PRKN: variants seen among roughly 807,000 people sequenced by gnomAD.
PRKN encodes the protein E3 ubiquitin-protein ligase parkin.
A neutral mutation model predicts 59.5 loss-of-function variants in PRKN; 56 were observed. The ratio of observed to expected loss-of-function variants is 0.94; its 90% CI spans 0.76 to 1.18. PRKN has a LOEUF of 1.18. Among genes scored for constraint, PRKN ranks in the 50% most tolerant of loss-of-function variants. The pLI is 0.00. For missense variants in PRKN, 657 were observed against 596.4 expected (o/e 1.10, Z -1.06); for synonymous variants, 250 against 222.1 (o/e 1.13, Z -1.12).
intron 8 of PRKN, among the ~76,000 whole-genome samples, chr6:161,568,763 A>G (rs994014347): frequency 3.3e-5 from 5 of 152,132 alleles, no homozygotes; most frequent in African/African-American, 1.2e-4. Context: ...TCCATACTAT[A>G]TATGTGTGTA....
intron 4 of PRKN, among the ~76,000 whole-genome samples, chr6:162,171,210 A>C (rs1037381044): frequency 2.0e-5 from 3 of 152,138 alleles, no homozygotes; most frequent in African/African-American, 7.2e-5. Flanking sequence ...GTGCACACAG[A>C]AAAAAACGTA....
chr6:161,761,366 A>G (rs1204398194), intron 7 of PRKN, among the ~76,000 whole-genome samples: 6 of 55,324 alleles, frequency 1.1e-4, no homozygotes, highest in Non-Finnish European at 2.4e-4. Context: ...AGACAAATGC[A>G]TGGATCAATA....
chr6:161,788,314 G>A (rs1790504617), intron 6 of PRKN, among the ~76,000 whole-genome samples: 1 of 152,180 alleles, frequency 6.6e-6, no homozygotes, highest in African/African-American at 2.4e-5. Flanking sequence ...AATCAACCCT[G>A]TGCAGTGACA....
intron 7 of PRKN, among the ~76,000 whole-genome samples, chr6:161,777,228 T>C (rs1486025847): frequency 6.6e-6 from 1 of 152,190 alleles, no homozygotes; most frequent in East Asian, 1.9e-4. Context: ...TAAGCGCTCA[T>C]TAATCATTAC....
rs1263106013 is a variant in PRKN, at chr6:161,466,372, T to TA, written c.1084-79496dup. On this transcript the variant is annotated intron_variant, in intron 9 of 11. Transcript: ENST00000366898. This position sits in a 1 kb window ranked among gnomAD's most constrained non-coding sequence, Gnocchi z 5.0. Reference sequence around the variant, plus strand: ...TTTTGATCTCAGCTCTCTGATGGGTTAAAAAATCTCTGAAACTATGTAAGC... The same window carrying TA: ...TTTTGATCTCAGCTCTCTGATGGGTTAAAAAAATCTCTGAAACTATGTAAGC... Among the ~76,000 whole-genome samples the TA allele has an allele frequency of 6.6e-6, 1 of 152,220 alleles. No individual in the cohort carries two copies. Among genetic ancestry groups the TA allele is most frequent in the African/African-American group, 2.4e-5 (1 of 41,452 alleles).
At chr6:161,779,435 C>CTTTCCTTTTTTTTTT (rs1234367519) in intron 7 of PRKN, among the ~76,000 whole-genome samples, 3 of 40,426 alleles carry the variant, frequency 7.4e-5, no homozygotes, top group Non-Finnish European at 1.5e-4. Flanking sequence ...TTTTTCTTTT[C>CTTTCCTTTTTTTTTT]TTTTCTTTTT....
chr6:162,028,240 C>T (rs996682294), intron 5 of PRKN, among the ~76,000 whole-genome samples: 1 of 152,190 alleles, frequency 6.6e-6, no homozygotes, highest in East Asian at 1.9e-4. Flanking sequence ...GAAGCTAGAA[C>T]AGCTGCCATT....
intron 3 of PRKN, among the ~76,000 whole-genome samples, chr6:162,241,863 G>A (rs1056235855): frequency 1.3e-5 from 2 of 151,974 alleles, no homozygotes; most frequent in African/African-American, 4.8e-5. Flanking sequence ...CTTTGATGAA[G>A]TCACTTTAGT....
At chr6:162,304,518 TCTA>T (rs1447637981) in intron 2 of PRKN, among the ~76,000 whole-genome samples, 2 of 143,574 alleles carry the variant, frequency 1.4e-5, no homozygotes, top group African/African-American at 5.2e-5. Flanking sequence ...TATCTATCTA[TCTA>T]TCTATCTATC....
intron 7 of PRKN, among the ~76,000 whole-genome samples, chr6:161,663,448 G>A (rs917046545): frequency 2.0e-5 from 3 of 152,122 alleles, no homozygotes; most frequent in African/African-American, 4.8e-5. Context: ...GTAATACAGA[G>A]TACAGGCCAT....
chr6:162,171,605 T>C (rs1783279601), intron 4 of PRKN, among the ~76,000 whole-genome samples: 1 of 152,104 alleles, frequency 6.6e-6, no homozygotes, highest in Admixed American at 6.5e-5. Context: ...GTCTTTTAGT[T>C]TCTTTCGTAG....
At chr6:162,467,190 C>T (rs146100154) in intron 1 of PRKN, among the ~76,000 whole-genome samples, 13 of 152,242 alleles carry the variant, frequency 8.5e-5, no homozygotes, top group Non-Finnish European at 1.2e-4. Context: ...TCCCTTCTTC[C>T]TTTTTCTCCA....
intron 2 of PRKN, among the ~76,000 whole-genome samples, chr6:162,426,173 T>C (rs1433871459): frequency 2.6e-5 from 4 of 152,222 alleles, no homozygotes; most frequent in Non-Finnish European, 4.4e-5. Flanking sequence ...CCTTGTCAGA[T>C]ACCGCAAATT....
At position 161,400,422 on chromosome 6, in the gene PRKN, C is replaced by T. The variant is rs1394972006; in HGVS notation, c.1084-13545G>A. ...TCCCAGGTTCAAGCAATTCTCCTGC[C>T]TCAGCCTCCCAAGTAGCTGGAATTA... On this transcript the variant is annotated intron_variant, in intron 9 of 11. Transcript: ENST00000366898. The surrounding 1 kb of genome is among the most constrained non-coding windows in gnomAD (Gnocchi z 4.2). Among the ~76,000 whole-genome samples, 1 of 151,964 alleles carries T rather than the reference C, an allele frequency of 6.6e-6. No homozygotes were observed. Among genetic ancestry groups the T allele is most frequent in the Non-Finnish European group, 1.5e-5 (1 of 67,998 alleles).
At chr6:161,760,509 C>T (rs1789150110) in intron 7 of PRKN, among the ~76,000 whole-genome samples, 1 of 151,888 alleles carries the variant, frequency 6.6e-6, no homozygotes, top group South Asian at 2.1e-4. Flanking sequence ...TGGGGAGGAG[C>T]CTGGCCCCTC....
At chr6:161,811,797 C>T (rs1791573374) in intron 6 of PRKN, among the ~76,000 whole-genome samples, 1 of 151,932 alleles carries the variant, frequency 6.6e-6, no homozygotes, top group Admixed American at 6.6e-5. Context: ...GTGGCATGCA[C>T]CTGTAGTCCC....
At chr6:162,216,288 T>C (rs536786711) in intron 3 of PRKN, among the ~76,000 whole-genome samples, 1 of 151,524 alleles carries the variant, frequency 6.6e-6, no homozygotes, top group South Asian at 2.1e-4. Flanking sequence ...CCCAGCACTT[T>C]GGGAGGCCGA....
At chr6:162,060,790 A>G (rs1284113445) in intron 4 of PRKN, among the ~76,000 whole-genome samples, 1 of 152,224 alleles carries the variant, frequency 6.6e-6, no homozygotes, top group Non-Finnish European at 1.5e-5. Context: ...TTAATAGAAA[A>G]CCATGGCATT....
chr6:161,987,863 C>T (rs749179578), intron 5 of PRKN, among the ~76,000 whole-genome samples: 37 of 152,104 alleles, frequency 2.4e-4, no homozygotes, highest in Admixed American at 1.2e-3. Context: ...GAAATGTATG[C>T]TGTGTTGGAG....
Sources: allele counts gnomAD v4.1 joint callset (sites outside exome capture counted in the v4.1 genomes callset), GRCh38; gene constraint gnomAD v4.1.1; non-coding constraint Gnocchi (gnomAD v3.1); transcripts MANE v1.5; gene names NCBI Gene and HGNC (gene_info 2026-07-23, HGNC 2026-07-21).